KIAA1671: variants seen among roughly 807,000 people sequenced by gnomAD.
KIAA1671 encodes uncharacterized protein KIAA1671.
Under a neutral mutation model 131.2 loss-of-function variants are expected in KIAA1671, and 52 were observed. The observed-to-expected ratio is 0.40, with a 90% CI of 0.32 to 0.50. The LOEUF is 0.50. KIAA1671 is among the 20% of genes least tolerant of loss of function. KIAA1671 has a pLI of 0.73. For missense variants in KIAA1671, 2,360 were observed against 2,364.2 expected (o/e 1.00, Z 0.04); for synonymous variants, 1,003 against 961.6 (o/e 1.04, Z -0.80).
At position 25,083,001 on chromosome 22, in the gene KIAA1671, A is replaced by T. The variant is rs536112268; in HGVS notation, c.4530+33637A>T. Among the ~76,000 whole-genome samples the T allele has an allele frequency of 2.0e-5, 3 of 152,364 alleles. No individual in the cohort carries two copies. The East Asian group carries it at 5.8e-4, about 29-fold the overall frequency. ...CCTAATATTTTGTTGCTATAATATA[A>T]ATGTAATAATATCGTAATCAGAGAT... On this transcript the variant is annotated intron_variant, in intron 6 of 12. Coordinates refer to ENST00000358431, the MANE Select transcript of KIAA1671 (RefSeq NM_001145206.2).
At chr22:25,162,963 C>T (rs1933496677) in intron 6 of KIAA1671, among the ~76,000 whole-genome samples, 1 of 152,170 alleles carries the variant, frequency 6.6e-6, no homozygotes, top group Non-Finnish European at 1.5e-5. Context: ...ATGATGTGTA[C>T]ATATACTCCC....
intron 6 of KIAA1671, among the ~76,000 whole-genome samples, chr22:25,107,476 T>TTC (rs1372184188): frequency 1.5e-5 from 2 of 136,740 alleles, no homozygotes. Flanking sequence ...GCACTTTTTT[T>TTC]TTTTTTTTTT....
At position 25,028,621 on chromosome 22, in the gene KIAA1671, C is replaced by G; in HGVS notation, c.622C>G (p.Pro208Ala). 6.8e-7 allele frequency: 1 copy of G among 1,470,054 alleles called. No homozygotes were observed. The highest frequency in any genetic ancestry group is 2.9e-5 in the East Asian group (1 of 34,836). 91.1% of individuals were successfully genotyped at this position (1,470,054 alleles called of 1,614,324 possible). ...PLSQDTKPPV[P>A]QEEAGQDHPP... is the part of the protein sequence containing the mutation. The stretch of plus-strand genomic sequence containing the variant: ...GTCTCAGGACACAAAACCACCTGTA[C>G]CCCAAGAGGAGGCAGGCCAAGACCA... Residue 208 changes from proline (P) to alanine (A), a missense_variant, in exon 3 of 13, where the codon CCC becomes GCC. Pro to Ala is a conservative substitution (Grantham distance 27). Transcript: ENST00000358431.
intron 6 of KIAA1671, among the ~76,000 whole-genome samples, chr22:25,107,647 C>T: frequency 6.6e-6 from 1 of 151,718 alleles, no homozygotes; most frequent in East Asian, 2.0e-4. Flanking sequence ...CTTGGGTTCC[C>T]AAAGAGCTGG....
chr22:24,993,297 C>T (rs561107715), intron 1 of KIAA1671, among the ~76,000 whole-genome samples: 1 of 152,280 alleles, frequency 6.6e-6, no homozygotes, highest in African/African-American at 2.4e-5. Flanking sequence ...CCCAGACACA[C>T]TCTCATAGAT....
At chr22:25,095,301 A>T (rs1930339578) in intron 6 of KIAA1671, among the ~76,000 whole-genome samples, 1 of 152,222 alleles carries the variant, frequency 6.6e-6, no homozygotes, top group Non-Finnish European at 1.5e-5. Context: ...ACAGACTCAC[A>T]TTCCAGCATC....
At chr22:25,107,585 C>G (rs1016047237) in intron 6 of KIAA1671, among the ~76,000 whole-genome samples, 1 of 145,552 alleles carries the variant, frequency 6.9e-6, no homozygotes, top group Non-Finnish European at 1.5e-5. Flanking sequence ...AGCAATCCTT[C>G]TACCTTAGCC....
chr22:24,965,136 G>C (rs1123556), intron 1 of KIAA1671, among the ~76,000 whole-genome samples: 39,062 of 151,180 alleles, frequency 0.26, 7,428 homozygotes, highest in African/African-American at 0.53. Flanking sequence ...CTCGGCTGGG[G>C]ACGGTGGCTC....
intron 5 of KIAA1671, among the ~76,000 whole-genome samples, chr22:25,048,504 C>T (rs1927363105): frequency 1.3e-5 from 2 of 152,174 alleles, no homozygotes; most frequent in Admixed American, 1.3e-4. Flanking sequence ...TCCAGTCTTC[C>T]TCTTCCTGGT....
chr22:25,081,970 A>C (rs1929432783), intron 6 of KIAA1671, among the ~76,000 whole-genome samples: 1 of 152,132 alleles, frequency 6.6e-6, no homozygotes, highest in Non-Finnish European at 1.5e-5. Context: ...CTGAGGCAGG[A>C]GGATCACCTA....
intron 6 of KIAA1671, among the ~76,000 whole-genome samples, chr22:25,157,689 C>T (rs1232941564): frequency 6.6e-6 from 1 of 152,132 alleles, no homozygotes; most frequent in African/African-American, 2.4e-5. Context: ...CCTCCCCTCT[C>T]CCCTGATTAT....
At chr22:24,977,994 A>AC (rs1168956036) in intron 1 of KIAA1671, among the ~76,000 whole-genome samples, 1 of 152,068 alleles carries the variant, frequency 6.6e-6, no homozygotes, top group African/African-American at 2.4e-5. Context: ...GATCATGGCC[A>AC]CCACCACCGT....
chr22:25,182,756 G>A (rs968704300), intron 10 of KIAA1671, among the ~76,000 whole-genome samples: 3 of 152,156 alleles, frequency 2.0e-5, no homozygotes, highest in Admixed American at 1.3e-4. Flanking sequence ...GAATCCAACT[G>A]GTGACGCTCA....
At chr22:25,127,439 TGTTAGA>T (rs1300357343) in intron 6 of KIAA1671, among the ~76,000 whole-genome samples, 6 of 152,128 alleles carry the variant, frequency 3.9e-5, no homozygotes, top group African/African-American at 1.2e-4. Flanking sequence ...GTGTTTTAGT[TGTTAGA>T]AGGGAGTGAG....
At position 25,185,191 on chromosome 22, in the gene KIAA1671, T is replaced by C. The variant is rs1232700070; in HGVS notation, c.5342+72T>C. The C allele has an allele frequency of 1.6e-5, 22 of 1,418,966 alleles. No individual in the cohort carries two copies. The Admixed American group carries it at 5.8e-4, about 37-fold the overall frequency. 87.9% of individuals were successfully genotyped at this position (1,418,966 alleles called of 1,614,324 possible). On this transcript the variant is annotated intron_variant, in intron 11 of 12. Transcript: ENST00000358431. Reference sequence around the variant, plus strand: ...CTATACTTCTAGAGAGGTGCTCGCATAGGTTTTAGAGCTGAATAGAAGAGA... The same window carrying C: ...CTATACTTCTAGAGAGGTGCTCGCACAGGTTTTAGAGCTGAATAGAAGAGA...
At chr22:25,109,132 C>A (rs955237677) in intron 6 of KIAA1671, among the ~76,000 whole-genome samples, 1 of 150,102 alleles carries the variant, frequency 6.7e-6, no homozygotes, top group Non-Finnish European at 1.5e-5. Context: ...TTTTTTTAGA[C>A]GGAGTCTCAC....
intron 6 of KIAA1671, chr22:25,112,256 C>T: frequency 2.5e-6 from 1 of 399,046 alleles, no homozygotes; most frequent in Non-Finnish European, 4.4e-6. Context: ...GAGGTCCTTC[C>T]AGGAAGCCCT....
intron 6 of KIAA1671, among the ~76,000 whole-genome samples, chr22:25,116,382 AGTATGTATGTATGTAT>A (rs139621283): frequency 0.11 from 15,151 of 139,058 alleles, 865 homozygotes; most frequent in South Asian, 0.14. Context: ...CCCCTCCACC[AGTATGTATGTATGTAT>A]GTATGTATGT....
In KIAA1671 at chr22:25,174,276, G is replaced by C. The variant is rs1192015531; in HGVS notation, c.4686G>C (p.Ser1562=). Residue 1562 remains serine, a synonymous_variant, in exon 8 of 13, where the codon TCG becomes TCC. Coordinates refer to ENST00000358431, the MANE Select transcript of KIAA1671 (RefSeq NM_001145206.2). ...ATESPDSSAT[S]TRKQPPSSRL... is the part of the protein sequence containing the mutation. ...AGTCCCCAGATAGCAGTGCCACATC[G>C]ACAAGGAAACAGCCCCCCAGCAGCC... 6.4e-7 allele frequency: 1 copy of C among 1,551,492 alleles called. No homozygotes were observed. The highest frequency in any genetic ancestry group is 2.0e-5 in the Admixed American group (1 of 51,000).
Sources: gnomAD v4.1 joint callset for allele counts (sites outside exome capture counted in the v4.1 genomes callset) on GRCh38, gnomAD v4.1.1 for gene constraint, MANE v1.5 for transcripts, NCBI Gene and HGNC (gene_info 2026-07-23, HGNC 2026-07-21) for gene names.